Variants in DNAH6 observed in about 807,000 individuals in gnomAD.
DNAH6 encodes dynein axonemal heavy chain 6.
Under a neutral mutation model 491.4 loss-of-function variants are expected in DNAH6, and 340 were observed. That is an observed-to-expected ratio of 0.69 (90% CI 0.63 to 0.76). DNAH6 has a LOEUF of 0.76. Among genes scored for constraint, DNAH6 ranks in the 30% least tolerant of loss-of-function variants. The pLI, the probability that DNAH6 is intolerant of heterozygous loss-of-function variation, is 0.00. For missense variants in DNAH6, 4,443 were observed against 4,972.2 expected (o/e 0.89, Z 3.20); for synonymous variants, 1,603 against 1,686.1 (o/e 0.95, Z 1.21).
chr2:84,655,896 T>C (rs146526560), intron 35 of DNAH6, among the ~76,000 whole-genome samples: 1 of 152,254 alleles, frequency 6.6e-6, no homozygotes, highest in African/African-American at 2.4e-5. Context: ...GTTTCCACCA[T>C]TATAGTATCA....
chr2:84,588,898 C>T lies in DNAH6; in HGVS notation c.2554C>T (p.Leu852=). 6.4e-7 allele frequency: 1 copy of T among 1,550,740 alleles called. No individual in the cohort carries two copies. The highest frequency in any genetic ancestry group is 8.7e-7 in the Non-Finnish European group (1 of 1,146,508). The change falls in exon 16 of 77, where the codon CTG becomes TTG. Residue 852 remains leucine (L), a synonymous_variant. Coordinates refer to ENST00000389394, the MANE Select transcript of DNAH6 (RefSeq NM_001370.2). ...CATATTGAATAATCTGCAATCTGTT[C>T]TGGCTGATCTTCAGAAACGTGCATT... is the stretch of plus-strand genomic sequence containing the variant. The part of the protein sequence containing the change: ...RLILNNLQSV[L]ADLQKRAFQY...
chr2:84,535,096 A>G (rs911523699), intron 4 of DNAH6, among the ~76,000 whole-genome samples: 2 of 151,952 alleles, frequency 1.3e-5, no homozygotes, highest in Non-Finnish European at 2.9e-5. Context: ...AAACCTATAT[A>G]CCAATACTTT....
At chr2:84,560,423 G>A (rs898626703) in intron 11 of DNAH6, among the ~76,000 whole-genome samples, 2 of 147,434 alleles carry the variant, frequency 1.4e-5, no homozygotes, top group Admixed American at 1.4e-4. Flanking sequence ...TAAGTATCAA[G>A]GCTATACAAA....
intron 12 of DNAH6, among the ~76,000 whole-genome samples, chr2:84,574,691 C>A (rs539709833): frequency 1.3e-5 from 2 of 152,280 alleles, no homozygotes; most frequent in African/African-American, 4.8e-5. Flanking sequence ...TGAACAGAAG[C>A]ATACCGACAG....
intron 64 of DNAH6, among the ~76,000 whole-genome samples, chr2:84,779,722 A>G (rs1453593876): frequency 6.6e-6 from 1 of 152,030 alleles, no homozygotes; most frequent in Non-Finnish European, 1.5e-5. Flanking sequence ...TAGTTGCTTT[A>G]TAGAGTCTAT....
intron 29 of DNAH6, among the ~76,000 whole-genome samples, chr2:84,627,966 C>T (rs1177610074): frequency 6.6e-6 from 1 of 152,156 alleles, no homozygotes; most frequent in Non-Finnish European, 1.5e-5. Context: ...AAGAGGTGAG[C>T]ATGACTCAGG....
intron 30 of DNAH6, among the ~76,000 whole-genome samples, chr2:84,634,954 A>G (rs1313860824): frequency 6.6e-6 from 1 of 152,138 alleles, no homozygotes; most frequent in Non-Finnish European, 1.5e-5. Context: ...CTCTGTGTTG[A>G]CCTTTGGAGA....
At chr2:84,745,786 A>G (rs10180799) in intron 63 of DNAH6, among the ~76,000 whole-genome samples, 16,053 of 152,106 alleles carry the variant, frequency 0.11, 887 homozygotes, top group Non-Finnish European at 0.11. Flanking sequence ...GGTGTGTGCC[A>G]TTAGAGTACC....
chr2:84,627,632 G>C (rs1573278393), intron 29 of DNAH6, among the ~76,000 whole-genome samples: 6 of 152,146 alleles, frequency 3.9e-5, no homozygotes, highest in Non-Finnish European at 8.8e-5. Context: ...GATGTGTCTA[G>C]ATGAAATAAT....
chr2:84,566,607 A>G (rs1681220551), intron 11 of DNAH6, among the ~76,000 whole-genome samples: 1 of 152,008 alleles, frequency 6.6e-6, no homozygotes, highest in African/African-American at 2.4e-5. Context: ...TCTCTAGGTT[A>G]ATTTATAATT....
At chr2:84,661,955 G>A (rs567594030) in intron 37 of DNAH6, among the ~76,000 whole-genome samples, 1 of 152,238 alleles carries the variant, frequency 6.6e-6, no homozygotes, top group African/African-American at 2.4e-5. Flanking sequence ...AGACAAACTA[G>A]TATTGACAAA....
chr2:84,688,974 A>G (rs995615534), intron 45 of DNAH6, among the ~76,000 whole-genome samples: 2 of 152,206 alleles, frequency 1.3e-5, no homozygotes, highest in African/African-American at 4.8e-5. Flanking sequence ...TCCAGGATCA[A>G]AGGTTTCACC....
intron 18 of DNAH6, among the ~76,000 whole-genome samples, chr2:84,596,473 G>A (rs541338136): frequency 4.0e-5 from 6 of 151,878 alleles, no homozygotes; most frequent in East Asian, 3.9e-4. Flanking sequence ...ATAGGCACCC[G>A]CCACCCACCA....
chr2:84,579,157 A>G (rs1682768332), intron 13 of DNAH6, among the ~76,000 whole-genome samples: 1 of 152,194 alleles, frequency 6.6e-6, no homozygotes, highest in South Asian at 2.1e-4. Context: ...CAGACTGCAT[A>G]TTTGTTTCTG....
intron 60 of DNAH6, among the ~76,000 whole-genome samples, chr2:84,723,310 A>G (rs1340030135): frequency 1.3e-5 from 2 of 152,010 alleles, no homozygotes; most frequent in Non-Finnish European, 2.9e-5. Context: ...TGATTATTAT[A>G]TATATATATA....
chr2:84,677,544 G>C (rs1693362819), intron 41 of DNAH6, among the ~76,000 whole-genome samples: 1 of 152,168 alleles, frequency 6.6e-6, no homozygotes, highest in Non-Finnish European at 1.5e-5. Flanking sequence ...ATATGCCAGA[G>C]AGCTCAAGCT....
chr2:84,643,278 C>A (rs1689594385), intron 33 of DNAH6, among the ~76,000 whole-genome samples: 1 of 149,584 alleles, frequency 6.7e-6, no homozygotes, highest in Non-Finnish European at 1.5e-5. Flanking sequence ...TTTTTTTTTT[C>A]CTTCTGGCTT....
At chr2:84,662,571 G>T (rs1691625998) in intron 37 of DNAH6, among the ~76,000 whole-genome samples, 1 of 152,196 alleles carries the variant, frequency 6.6e-6, no homozygotes, top group African/African-American at 2.4e-5. Flanking sequence ...GCCCACCATT[G>T]CTGAGGCTTG....
intron 11 of DNAH6, among the ~76,000 whole-genome samples, chr2:84,571,757 CA>C (rs34657775): frequency 0.034 from 3,508 of 103,968 alleles, 112 homozygotes; most frequent in African/African-American, 0.097. Context: ...ACTAAAATTA[CA>C]AAAAAAAAAA....
Sources: gnomAD v4.1 joint callset for allele counts (sites outside exome capture counted in the v4.1 genomes callset) on GRCh38, gnomAD v4.1.1 for gene constraint, MANE v1.5 for transcripts, NCBI Gene and HGNC (gene_info 2026-07-23, HGNC 2026-07-21) for gene names.